Variants in TEKT5 observed in about 807,000 individuals in gnomAD.
TEKT5 encodes tektin 5.
TEKT5 carries 52 observed loss-of-function variants against 48.7 expected under a neutral mutation model. The observed-to-expected ratio is 1.07, with a 90% CI of 0.86 to 1.35. The LOEUF (loss-of-function observed/expected upper bound fraction) is 1.35. Ranked by LOEUF, TEKT5 falls within the 40% of genes most tolerant of loss-of-function variation. The probability of loss-of-function intolerance (pLI) is 0.00; values close to 1 mark genes in which losing one functional copy is unlikely to be tolerated. For synonymous variants in TEKT5, 318 were observed against 267.6 expected (o/e 1.19, Z -1.84); for missense variants, 831 against 641.6 (o/e 1.30, Z -3.19).
intron 5 of TEKT5, among the ~76,000 whole-genome samples, chr16:10,663,944 A>C (rs1567231222): frequency 6.6e-6 from 1 of 152,224 alleles, no homozygotes; most frequent in Non-Finnish European, 1.5e-5. Context: ...CAGCACATGC[A>C]TCAGCTGTTG....
intron 6 of TEKT5, 67 bp downstream of exon 6, chr16:10,635,697 A>G: frequency 6.4e-7 from 1 of 1,565,656 alleles, no homozygotes; most frequent in Non-Finnish European, 8.7e-7. Flanking sequence ...GAAGCTCCTG[A>G]GACTCACCCC....
At chr16:10,675,700 G>C (rs894923771) in intron 5 of TEKT5, among the ~76,000 whole-genome samples, 4 of 152,202 alleles carry the variant, frequency 2.6e-5, no homozygotes, top group African/African-American at 9.7e-5. Flanking sequence ...GGGGTCCTGG[G>C]AGTGTCACAG....
chr16:10,682,310 A>C (rs1267741242), intron 3 of TEKT5, among the ~76,000 whole-genome samples, 174 bp from the exon 4 acceptor site: 2 of 150,542 alleles, frequency 1.3e-5, no homozygotes, highest in Non-Finnish European at 3.0e-5. Context: ...CCCCCAATCC[A>C]AACAGATTTG....
chr16:10,682,954 T>C (rs16957531), intron 3 of TEKT5, among the ~76,000 whole-genome samples: 3,698 of 152,250 alleles, frequency 0.024, 138 homozygotes, highest in African/African-American at 0.085. Context: ...CACCGAGGGA[T>C]GAGACGCAAA....
intron 5 of TEKT5, among the ~76,000 whole-genome samples, chr16:10,637,964 C>T (rs1208392583): frequency 6.6e-6 from 1 of 152,190 alleles, no homozygotes. Flanking sequence ...TCACACACCA[C>T]CACACCTGGC....
chr16:10,639,347 T>A (rs1897959653), intron 5 of TEKT5, among the ~76,000 whole-genome samples: 1 of 152,114 alleles, frequency 6.6e-6, no homozygotes. Flanking sequence ...CAGTTGTACA[T>A]TCCAATATAT....
At chr16:10,657,856 TCCCAA>T (rs1898289485) in intron 5 of TEKT5, among the ~76,000 whole-genome samples, 1 of 151,414 alleles carries the variant, frequency 6.6e-6, no homozygotes, top group South Asian at 2.1e-4. Context: ...CGGCTCGGCC[TCCCAA>T]AGTGCCGGGA....
intron 3 of TEKT5, among the ~76,000 whole-genome samples, chr16:10,686,347 C>T (rs1020043408): frequency 6.6e-6 from 1 of 151,954 alleles, no homozygotes; most frequent in African/African-American, 2.4e-5. Context: ...ACCCCTGCTA[C>T]TCAGGAGGCC....
Position 10,627,590 on chromosome 16 carries a change from T to C in TEKT5, c.1451A>G (p.His484Arg), listed in dbSNP as rs779305993. The change falls in exon 7 of 7, where the codon CAC (histidine) becomes CGC (arginine). Residue 484 changes from histidine (H) to arginine (R), a missense_variant. Physicochemically the swap from His to Arg is conservative, Grantham distance 29. Coordinates refer to ENST00000283025, the MANE Select transcript of TEKT5 (RefSeq NM_144674.2). ...TFPCTPRLVG[H>R]T Reference sequence around the variant, plus strand: ...GAGGCGCCAGGGCGGTGCTCAGGTGTGGCCCACCAGGCGCGGGGTGCAGGG... The same window carrying C: ...GAGGCGCCAGGGCGGTGCTCAGGTGCGGCCCACCAGGCGCGGGGTGCAGGG... 4.3e-6 allele frequency: 7 copies of C among 1,614,108 alleles called. No individual in the cohort carries two copies. The highest frequency in any genetic ancestry group is 3.3e-5 in the South Asian group (3 of 91,088).
rs182308325 is a variant in TEKT5 at position 10,631,805 on chromosome 16, T to C, written c.1241+3959A>G. Among the ~76,000 whole-genome samples the C allele has an allele frequency of 4.0e-5, 6 of 150,184 alleles. No individual in the cohort carries two copies. The East Asian group carries it at 1.2e-3, about 30-fold the overall frequency. On this transcript the variant is annotated intron_variant, in intron 6 of 6. Coordinates refer to ENST00000283025, the MANE Select transcript of TEKT5 (RefSeq NM_144674.2). Reference sequence around the variant, plus strand: ...TGACAGCCCTCCGGAGCTGGGAGAGTGGAAGGGAACAGAGCCTCTCTCAGA... The same window carrying C: ...TGACAGCCCTCCGGAGCTGGGAGAGCGGAAGGGAACAGAGCCTCTCTCAGA...
intron 4 of TEKT5, among the ~76,000 whole-genome samples, chr16:10,678,363 C>G (rs1898686487): frequency 1.3e-5 from 2 of 152,144 alleles, no homozygotes; most frequent in South Asian, 4.1e-4. Flanking sequence ...TCCCAAAGTG[C>G]TGGAATTACG....
At position 10,682,232 on chromosome 16, in the gene TEKT5, CA is replaced by C. The variant is rs1422427443; in HGVS notation, c.720-97del. On this transcript the variant is annotated intron_variant, in intron 3 of 6. Transcript: ENST00000283025. ...GTGTGTGTTGCAAGCCCTGGACTCC[CA>C]GAAAGCCACCCAGTAGCTTCTCAGT... 6 of 1,433,266 alleles carry C rather than the reference CA, an allele frequency of 4.2e-6. No homozygotes were observed. In the East Asian group the frequency reaches 1.4e-4, roughly 33 times the overall value. 88.8% of individuals were successfully genotyped at this position (1,433,266 alleles called of 1,614,324 possible).
At chr16:10,649,739 T>C (rs1212918456) in intron 5 of TEKT5, among the ~76,000 whole-genome samples, 1 of 152,192 alleles carries the variant, frequency 6.6e-6, no homozygotes, top group African/African-American at 2.4e-5. Flanking sequence ...CTCGGCCTAT[T>C]TTTTGAAATT....
intron 5 of TEKT5, among the ~76,000 whole-genome samples, chr16:10,655,583 C>G (rs112698890): frequency 5.9e-5 from 9 of 152,194 alleles, no homozygotes; most frequent in Non-Finnish European, 8.8e-5. Flanking sequence ...CTATAAAAGA[C>G]TACATTTTCC....
At chr16:10,673,882 C>T (rs1028878346) in intron 5 of TEKT5, among the ~76,000 whole-genome samples, 2 of 151,788 alleles carry the variant, frequency 1.3e-5, no homozygotes, top group African/African-American at 4.8e-5. Context: ...GAACTCCTGA[C>T]CTCAAGTAAT....
intron 4 of TEKT5, among the ~76,000 whole-genome samples, chr16:10,678,600 TG>T (rs1898690405): frequency 6.6e-6 from 1 of 151,710 alleles, no homozygotes; most frequent in Non-Finnish European, 1.5e-5. Context: ...GCTCAGAGAG[TG>T]AAGCATCTTG....
intron 6 of TEKT5, among the ~76,000 whole-genome samples, chr16:10,635,534 T>C (rs1054050262): frequency 6.6e-6 from 1 of 152,070 alleles, no homozygotes; most frequent in Non-Finnish European, 1.5e-5. Flanking sequence ...AAGACCACAG[T>C]GCACAGGGTG....
intron 1 of TEKT5, among the ~76,000 whole-genome samples, chr16:10,691,934 C>T (rs185447252): frequency 4.7e-5 from 6 of 128,574 alleles, no homozygotes; most frequent in African/African-American, 1.4e-4. Flanking sequence ...GGCAACAGAG[C>T]GAGAGTCCAT....
intron 5 of TEKT5, among the ~76,000 whole-genome samples, chr16:10,670,875 TTATG>T (rs1007379171): frequency 8.3e-4 from 126 of 151,880 alleles, no homozygotes; most frequent in African/African-American, 2.7e-3. Flanking sequence ...ATTTATTTAT[TTATG>T]TATTTATTTA....
Sources: allele counts gnomAD v4.1 joint callset (sites outside exome capture counted in the v4.1 genomes callset), GRCh38; gene constraint gnomAD v4.1.1; transcripts MANE v1.5; gene names NCBI Gene and HGNC (gene_info 2026-07-23, HGNC 2026-07-21).